The following CAB39 variants were observed in gnomAD, a reference collection of about 807,000 sequenced individuals.
CAB39 encodes the protein calcium binding protein 39, also known as calcium-binding protein 39.
A neutral mutation model predicts 40.0 loss-of-function variants in CAB39; 8 were observed. That is an observed-to-expected ratio of 0.20 (90% CI 0.12 to 0.36). The LOEUF (loss-of-function observed/expected upper bound fraction) is 0.36. Ranked by LOEUF, CAB39 falls within the 10% of genes least tolerant of loss-of-function variation. The pLI is 1.00. For synonymous variants in CAB39, 156 were observed against 141.6 expected (o/e 1.10, Z -0.72); for missense variants, 270 against 401.1 (o/e 0.67, Z 2.79).
At chr2:230,754,640 C>T (rs1421765512) in intron 1 of CAB39, among the ~76,000 whole-genome samples, 4 of 152,008 alleles carry the variant, frequency 2.6e-5, no homozygotes, top group African/African-American at 9.7e-5. Flanking sequence ...TGCCTCAGTC[C>T]CCCTAGTAGC....
At chr2:230,810,824 G>A (rs1696291247) in intron 6 of CAB39, among the ~76,000 whole-genome samples, 2 of 152,206 alleles carry the variant, frequency 1.3e-5, no homozygotes, top group Admixed American at 1.3e-4. Context: ...ATTGTAAAAT[G>A]AGGACATTGG....
At chr2:230,768,191 T>C (rs892487304) in intron 2 of CAB39, among the ~76,000 whole-genome samples, 5 of 152,214 alleles carry the variant, frequency 3.3e-5, no homozygotes, top group Admixed American at 1.3e-4. Flanking sequence ...AAAACAGATA[T>C]TGCTAAGACT....
At chr2:230,746,969 C>T (rs1694987789) in intron 1 of CAB39, among the ~76,000 whole-genome samples, 1 of 152,116 alleles carries the variant, frequency 6.6e-6, no homozygotes, top group Non-Finnish European at 1.5e-5. Flanking sequence ...CATAATAACA[C>T]ATTATAATCA....
intron 6 of CAB39, among the ~76,000 whole-genome samples, chr2:230,812,441 CAG>C (rs113834527): frequency 5.3e-5 from 8 of 152,314 alleles, no homozygotes; most frequent in East Asian, 3.9e-4. Context: ...CTGAAGGAAA[CAG>C]GGGCCACATA....
chr2:230,803,139 A>G (rs1292026398), intron 5 of CAB39, among the ~76,000 whole-genome samples: 1 of 152,240 alleles, frequency 6.6e-6, no homozygotes, highest in Non-Finnish European at 1.5e-5. Flanking sequence ...ACATAAACAG[A>G]ACCAAAGACA....
chr2:230,798,849 C>T lies in CAB39; in HGVS notation c.519C>T (p.Val173=), dbSNP rs370552278. ...SEQFYDFFRY[V]EMSTFDIASD... is the part of the protein sequence containing the mutation. ...AGTTTTATGATTTCTTCAGATATGT[C>T]GAAATGTCAACATTTGACATAGCTT... Residue 173 remains valine, a synonymous_variant, in exon 5 of 9, where the codon GTC becomes GTT. Transcript: ENST00000258418. The T allele has an allele frequency of 1.0e-5, 16 of 1,607,438 alleles. No individual in the cohort carries two copies. The highest frequency in any genetic ancestry group is 4.0e-5 in the African/African-American group (3 of 74,798).
chr2:230,720,148 A>G (rs542291216), intron 1 of CAB39, among the ~76,000 whole-genome samples: 34 of 152,176 alleles, frequency 2.2e-4, no homozygotes, highest in Non-Finnish European at 4.3e-4. Flanking sequence ...TTGTGTTGTA[A>G]AGTTGGGCGA....
chr2:230,732,009 A>G (rs1024425426), intron 1 of CAB39, among the ~76,000 whole-genome samples: 5 of 152,112 alleles, frequency 3.3e-5, no homozygotes, highest in Non-Finnish European at 5.9e-5. Flanking sequence ...AGAAAGTAGA[A>G]TTAGTTCTAA....
chr2:230,771,940 A>G (rs570793612), intron 2 of CAB39, among the ~76,000 whole-genome samples: 9 of 152,352 alleles, frequency 5.9e-5, no homozygotes, highest in Non-Finnish European at 8.8e-5. Flanking sequence ...TTAACTCAAA[A>G]TGGATCACAT....
At chr2:230,813,906 G>A in intron 6 of CAB39, 143 bp from the exon 7 acceptor site, 1 of 547,440 alleles carries the variant, frequency 1.8e-6, no homozygotes. Flanking sequence ...TGGCAGGGGA[G>A]CCAGGGCAGC....
chr2:230,730,732 C>T (rs1482335127), intron 1 of CAB39, among the ~76,000 whole-genome samples: 2 of 152,202 alleles, frequency 1.3e-5, no homozygotes, highest in African/African-American at 2.4e-5. Context: ...GCATGAGCCA[C>T]TGCGCCCGGC....
chr2:230,780,384 C>T (rs1450112540), intron 2 of CAB39, among the ~76,000 whole-genome samples: 1 of 152,162 alleles, frequency 6.6e-6, no homozygotes, highest in Non-Finnish European at 1.5e-5. Flanking sequence ...AATGCACAGG[C>T]CTTTTTCAAG....
chr2:230,791,112 A>G, intron 3 of CAB39, 76 bp downstream of exon 3: 1 of 1,114,636 alleles, frequency 9.0e-7, no homozygotes, highest in Non-Finnish European at 1.3e-6. Flanking sequence ...CTCTTTTGGA[A>G]CATTGTAAGA....
chr2:230,754,622 A>G (rs1246147760), intron 1 of CAB39, among the ~76,000 whole-genome samples: 1 of 152,020 alleles, frequency 6.6e-6, no homozygotes, highest in Non-Finnish European at 1.5e-5. Context: ...AGGTTTAAGC[A>G]GTCCTCCTGC....
At chr2:230,759,455 A>G (rs1421296604) in intron 1 of CAB39, among the ~76,000 whole-genome samples, 5 of 152,220 alleles carry the variant, frequency 3.3e-5, no homozygotes, top group African/African-American at 9.6e-5. Flanking sequence ...AATTTGATGT[A>G]CAGTGTGGTG....
At chr2:230,744,147 G>A (rs1031874684) in intron 1 of CAB39, among the ~76,000 whole-genome samples, 3 of 152,122 alleles carry the variant, frequency 2.0e-5, no homozygotes, top group Non-Finnish European at 4.4e-5. Context: ...TGGAACTCCT[G>A]ACCTCAAGTG....
chr2:230,731,810 T>C (rs1206749023), intron 1 of CAB39, among the ~76,000 whole-genome samples: 1 of 152,054 alleles, frequency 6.6e-6, no homozygotes, highest in Non-Finnish European at 1.5e-5. Flanking sequence ...GTATGCTGAA[T>C]TGTATGATGT....
chr2:230,786,217 C>G (rs1695791590), intron 2 of CAB39, among the ~76,000 whole-genome samples: 1 of 148,964 alleles, frequency 6.7e-6, no homozygotes, highest in South Asian at 2.2e-4. Context: ...GTTGCCCAGG[C>G]TGGTCTCAAA....
chr2:230,781,901 G>C (rs2124945288), intron 2 of CAB39, among the ~76,000 whole-genome samples: 1 of 152,272 alleles, frequency 6.6e-6, no homozygotes, highest in East Asian at 1.9e-4. Flanking sequence ...GTCTCGCTCT[G>C]TCACCCAGGC....
Sources: gnomAD v4.1 joint callset for allele counts (sites outside exome capture counted in the v4.1 genomes callset) on GRCh38, gnomAD v4.1.1 for gene constraint, MANE v1.5 for transcripts, NCBI Gene and HGNC (gene_info 2026-07-23, HGNC 2026-07-21) for gene names.